The following HYAL4 variants were observed in gnomAD, a reference collection of about 807,000 sequenced individuals.
The protein encoded by HYAL4 is hyaluronidase 4, also known as hyaluronidase-4.
A neutral mutation model predicts 35.2 loss-of-function variants in HYAL4; 37 were observed. The observed-to-expected ratio is 1.05, with a 90% CI of 0.81 to 1.38. The LOEUF (loss-of-function observed/expected upper bound fraction) is 1.38, where lower values mean the gene tolerates loss of function less well. HYAL4 is among the 40% of genes most tolerant of loss of function. HYAL4 has a pLI of 0.00. For synonymous variants in HYAL4, 198 were observed against 203.2 expected (o/e 0.97, Z 0.22); for missense variants, 572 against 572.4 (o/e 1.00, Z 0.01).
At chr7:123,864,434 A>T (rs113191786) in intron 2 of HYAL4, among the ~76,000 whole-genome samples, 1 of 152,268 alleles carries the variant, frequency 6.6e-6, no homozygotes, top group Non-Finnish European at 1.5e-5. Context: ...ATATCTTGCT[A>T]ACTCTTTCTA....
intron 1 of HYAL4, among the ~76,000 whole-genome samples, chr7:123,836,386 T>C (rs141936905): frequency 0.013 from 1,951 of 152,330 alleles, 23 homozygotes; most frequent in Non-Finnish European, 0.019. Context: ...TTGTCTGATA[T>C]AAGGATAGCT....
At chr7:123,819,184 G>C in the HYAL4 span, among the ~76,000 whole-genome samples, 2 of 152,184 alleles carry the variant, frequency 1.3e-5, no homozygotes, top group African/African-American at 4.8e-5. Flanking sequence ...GTGAGATCAC[G>C]CAGTATTTAC....
At chr7:123,771,317 T>C in the HYAL4 span, among the ~76,000 whole-genome samples, 1 of 152,220 alleles carries the variant, frequency 6.6e-6, no homozygotes, top group Non-Finnish European at 1.5e-5. Flanking sequence ...CATGGTATCA[T>C]GCAAAATGAG....
chr7:123,773,523 G>A, the HYAL4 span, among the ~76,000 whole-genome samples: 1 of 152,006 alleles, frequency 6.6e-6, no homozygotes, highest in African/African-American at 2.4e-5. Context: ...AATAACTACC[G>A]GGTACTTACA....
chr7:123,864,474 G>A (rs563712874), intron 2 of HYAL4, among the ~76,000 whole-genome samples: 1 of 152,060 alleles, frequency 6.6e-6, no homozygotes, highest in Non-Finnish European at 1.5e-5. Flanking sequence ...TTGTTTACAG[G>A]AGCACATTTG....
At chr7:123,778,582 T>A in the HYAL4 span, among the ~76,000 whole-genome samples, 1 of 151,910 alleles carries the variant, frequency 6.6e-6, no homozygotes, top group Non-Finnish European at 1.5e-5. Context: ...TTGATGTGAG[T>A]TTCCTAGTGA....
chr7:123,769,993 A>T, the HYAL4 span, among the ~76,000 whole-genome samples: 40 of 150,948 alleles, frequency 2.6e-4, no homozygotes, highest in Non-Finnish European at 5.3e-4. Flanking sequence ...TTTTTTTTTT[A>T]AACAATATTT....
chr7:123,868,104 T>G (rs1584925268), intron 2 of HYAL4, 119 bp from the exon 3 acceptor site: 1 of 403,072 alleles, frequency 2.5e-6, no homozygotes, highest in Non-Finnish European at 4.3e-6. Context: ...TTTATAGGCC[T>G]CTTTGAGACC....
At chr7:123,846,704 G>A (rs920972018) in intron 1 of HYAL4, among the ~76,000 whole-genome samples, 24 of 152,136 alleles carry the variant, frequency 1.6e-4, no homozygotes, top group African/African-American at 5.8e-4. Flanking sequence ...TTCAGCTGGA[G>A]GTTTCCTTTT....
chr7:123,766,352 C>G, the HYAL4 span, among the ~76,000 whole-genome samples: 9,890 of 152,178 alleles, frequency 0.065, 408 homozygotes, highest in East Asian at 0.11. Context: ...AAAGCCACCT[C>G]AGATAGCTAA....
chr7:123,796,449 A>T, the HYAL4 span, among the ~76,000 whole-genome samples: 1 of 152,218 alleles, frequency 6.6e-6, no homozygotes, highest in East Asian at 1.9e-4. Flanking sequence ...AGATGCTATC[A>T]GTTCTATTTA....
At position 123,868,839 on chromosome 7, in the gene HYAL4, T is replaced by G. The variant is rs1375944778; in HGVS notation, c.566T>G (p.Val189Gly). ...SATDIEYLAK[V>G]TFEESAKAFM... Reference sequence around the variant, plus strand: ...ACCGATATTGAATATTTAGCCAAAGTGACCTTTGAAGAAAGTGCAAAAGCT... The same window carrying G: ...ACCGATATTGAATATTTAGCCAAAGGGACCTTTGAAGAAAGTGCAAAAGCT... The change falls in exon 3 of 5, where the codon GTG (valine) becomes GGG (glycine). Residue 189 changes from valine (V) to glycine (G), a missense_variant. Transcript: ENST00000223026. 6.2e-7 allele frequency: 1 copy of G among 1,614,224 alleles called. No individual in the cohort carries two copies. Among genetic ancestry groups the G allele is most frequent in the Admixed American group, 1.7e-5 (1 of 60,016 alleles).
At chr7:123,851,682 G>A (rs1806308526) in intron 2 of HYAL4, among the ~76,000 whole-genome samples, 1 of 152,106 alleles carries the variant, frequency 6.6e-6, no homozygotes, top group Admixed American at 6.5e-5. Context: ...CTGCTGTTGT[G>A]AATAGTGCTG....
chr7:123,793,315 T>G, the HYAL4 span, among the ~76,000 whole-genome samples: 1 of 152,238 alleles, frequency 6.6e-6, no homozygotes, highest in Admixed American at 6.5e-5. Flanking sequence ...GCTAGACAGT[T>G]GTCTCTAAAT....
chr7:123,826,471 C>T (rs145159319), upstream of HYAL4, among the ~76,000 whole-genome samples: 16 of 152,140 alleles, frequency 1.1e-4, no homozygotes, highest in East Asian at 3.1e-3. Context: ...AATTGGATTG[C>T]CCGGTAAACA....
intron 2 of HYAL4, among the ~76,000 whole-genome samples, chr7:123,854,115 CT>C (rs1163189011): frequency 6.6e-6 from 1 of 152,098 alleles, no homozygotes; most frequent in Non-Finnish European, 1.5e-5. Context: ...ATTCTTCTCT[CT>C]TTTCTTCTTT....
the HYAL4 span, among the ~76,000 whole-genome samples, chr7:123,798,869 G>A: frequency 6.6e-6 from 1 of 152,104 alleles, no homozygotes; most frequent in Admixed American, 6.5e-5. Context: ...ATAAAATTCT[G>A]TTACTCTAGA....
chr7:123,814,834 T>G, the HYAL4 span: 1 of 152,588 alleles, frequency 6.6e-6, no homozygotes, highest in Non-Finnish European at 1.5e-5. Context: ...ATTGTGGCTG[T>G]GGGAAAAAAG....
rs770541919 is a variant in HYAL4, at chr7:123,845,202, C to CTTTTTTTTTTTTTTT, written c.-595_-581dup. 3 of 76,870 alleles carry CTTTTTTTTTTTTTTT rather than the reference C, an allele frequency of 3.9e-5. No individual in the cohort carries two copies. Among genetic ancestry groups the CTTTTTTTTTTTTTTT allele is most frequent in the African/African-American group, 6.0e-5 (1 of 16,716 alleles). 4.8% of individuals were successfully genotyped at this position (76,870 alleles called of 1,614,324 possible). A position where few individuals can be genotyped will look rare whatever the true frequency, so the allele number is the denominator to read the frequency against. ...TTATTTATGCTATCTATTTCTTTTC[C>CTTTTTTTTTTTTTTT]TTTTTTTTTTTTTTTTTTTTTTTTG... On this transcript the variant is annotated 5_prime_UTR_variant, in exon 1 of 5. Transcript: ENST00000223026.
Sources: gnomAD v4.1 joint callset for allele counts (sites outside exome capture counted in the v4.1 genomes callset) on GRCh38, gnomAD v4.1.1 for gene constraint, MANE v1.5 for transcripts, NCBI Gene and HGNC (gene_info 2026-07-23, HGNC 2026-07-21) for gene names.